ALPL: variants seen among roughly 807,000 people sequenced by gnomAD.
ALPL encodes alkaline phosphatase, biomineralization associated, also known as alkaline phosphatase, tissue-nonspecific isozyme.
A neutral mutation model predicts 51.3 loss-of-function variants in ALPL; 42 were observed. That is an observed-to-expected ratio of 0.82 (90% CI 0.64 to 1.06). ALPL has a LOEUF of 1.06. Among genes scored for constraint, ALPL ranks in the 50% least tolerant of loss-of-function variants. ALPL has a pLI of 0.00. For missense variants in ALPL, 589 were observed against 709.4 expected, an observed-to-expected ratio of 0.83 and a Z score of 1.93; for synonymous variants, 279 against 296.4, an observed-to-expected ratio of 0.94 and a Z score of 0.60.
chr1:21,570,518 A>G (rs1277880608), intron 8 of ALPL, 144 bp downstream of exon 8: 3 of 805,230 alleles, frequency 3.7e-6, no homozygotes, highest in Non-Finnish European at 4.0e-6. Flanking sequence ...GGGAGAGGCA[A>G]GGAAGGGGGT....
intron 1 of ALPL, among the ~76,000 whole-genome samples, chr1:21,515,115 G>A (rs1643769151): frequency 6.6e-6 from 1 of 152,152 alleles, no homozygotes; most frequent in South Asian, 2.1e-4. Flanking sequence ...TTGTCATTCA[G>A]GTGCATGAAC....
intron 1 of ALPL, among the ~76,000 whole-genome samples, chr1:21,522,549 C>T (rs755726708): frequency 7.2e-5 from 11 of 152,294 alleles, no homozygotes; most frequent in African/African-American, 1.2e-4. Context: ...TTCCAAATAA[C>T]ATAATATGGG....
intron 2 of ALPL, among the ~76,000 whole-genome samples, chr1:21,558,576 C>G (rs998488647): frequency 2.6e-5 from 4 of 152,230 alleles, no homozygotes; most frequent in Non-Finnish European, 5.9e-5. Flanking sequence ...AACTCTTGTC[C>G]AAAGGCACCC....
intron 1 of ALPL, among the ~76,000 whole-genome samples, chr1:21,523,567 G>A (rs1014470000): frequency 1.3e-5 from 2 of 151,966 alleles, no homozygotes; most frequent in African/African-American, 2.4e-5. Context: ...CTCCTCAGGG[G>A]CCTCCCCTAT....
chr1:21,575,783 C>T lies in ALPL; in HGVS notation c.1048C>T (p.His350Tyr). 6.2e-6 allele frequency: 10 copies of T among 1,614,220 alleles called. No individual in the cohort carries two copies. Among genetic ancestry groups the T allele is most frequent in the Non-Finnish European group, 8.5e-6 (10 of 1,180,038 alleles). ...HHEGKAKQALHEAVEMDRAIG... is the reference protein window; with the variant it reads ...HHEGKAKQALYEAVEMDRAIG... ...TGAAGGAAAAGCCAAGCAGGCCCTG[C>T]ATGAGGCGGTGGAGATGGACCGGGC... Residue 350 changes from histidine to tyrosine, a missense_variant, in exon 10 of 12, where the codon CAT becomes TAT. Coordinates refer to ENST00000374840, the MANE Select transcript of ALPL (RefSeq NM_000478.6).
At position 21,575,757 on chromosome 1, in the gene ALPL, A is replaced by C; in HGVS notation, c.1022A>C (p.His341Pro). 6.2e-7 allele frequency: 1 copy of C among 1,614,202 alleles called. No individual in the cohort carries two copies. The highest frequency in any genetic ancestry group is 1.3e-5 in the African/African-American group (1 of 75,058). ...GGAGGCAGAATTGACCACGGGCACC[A>C]TGAAGGAAAAGCCAAGCAGGCCCTG... ...VEGGRIDHGHHEGKAKQALHE... is the reference protein window; with the variant it reads ...VEGGRIDHGHPEGKAKQALHE... The change falls in exon 10 of 12, where the codon CAT (histidine) becomes CCT (proline). Residue 341 changes from histidine (H) to proline (P), a missense_variant. By Grantham distance (77) the His-to-Pro change is moderately conservative (BLOSUM62 -2). Transcript: ENST00000374840.
In ALPL at chr1:21,578,126, TGA is replaced by T. The variant is rs1644767933; in HGVS notation, c.*480_*481del. The T allele has an allele frequency of 5.7e-6, 1 of 175,854 alleles. No homozygotes were observed. The highest frequency in any genetic ancestry group is 1.3e-4 in the South Asian group (1 of 7,590). 10.9% of individuals were successfully genotyped at this position (175,854 alleles called of 1,614,324 possible). The stretch of plus-strand genomic sequence containing the variant: ...AGGCCCAGCCCTCCTTCAGGGGAGT[TGA>T]GGTCTTTCTCCTCAGGACAAGGCCT... On this transcript the variant is annotated 3_prime_UTR_variant, in exon 12 of 12. Transcript: ENST00000374840. This position sits in a 1 kb window ranked among gnomAD's most constrained non-coding sequence, Gnocchi z 4.2.
chr1:21,540,836 T>A (rs1406539228), intron 1 of ALPL, among the ~76,000 whole-genome samples: 1 of 152,056 alleles, frequency 6.6e-6, no homozygotes, highest in Non-Finnish European at 1.5e-5. Flanking sequence ...CTAGACTTTC[T>A]CTCTCTCCCC....
chr1:21,566,590 C>CTATTT (rs1371724015), intron 6 of ALPL, among the ~76,000 whole-genome samples: 83 of 151,830 alleles, frequency 5.5e-4, no homozygotes, highest in African/African-American at 1.5e-4. Flanking sequence ...CGCGCCCGGC[C>CTATTT]TATTTTATTT....
chr1:21,574,227 C>G (rs1331865637), intron 9 of ALPL: 3 of 984,940 alleles, frequency 3.0e-6, no homozygotes, highest in Admixed American at 6.1e-5. Flanking sequence ...AATTCTTGGC[C>G]TGGCGCTGCC....
intron 2 of ALPL, among the ~76,000 whole-genome samples, chr1:21,554,799 G>A (rs375171455): frequency 9.7e-5 from 4 of 41,336 alleles, no homozygotes; most frequent in Non-Finnish European, 1.9e-4. Flanking sequence ...CTGTCTGTCT[G>A]TCTGTCTGTC....
rs1464264598 is a variant in ALPL, at chr1:21,554,791, GTCTGTCTGTCTGTCTGTCTGTCTGTCTT to G, written c.61+653_61+680del. Among the ~76,000 whole-genome samples the G allele has an allele frequency of 4.2e-3, 170 of 40,042 alleles. 6 individuals carry two copies. The highest frequency in any genetic ancestry group is 0.02 in the African/African-American group (158 of 8,094). 26.3% of individuals were successfully genotyped at this position (40,042 alleles called of 152,430 possible). A position where few individuals can be genotyped will look rare whatever the true frequency, so the allele number is the denominator to read the frequency against. On this transcript the variant is annotated intron_variant, in intron 2 of 11. Coordinates refer to ENST00000374840, the MANE Select transcript of ALPL (RefSeq NM_000478.6). ...AGGCGTGAGCCACCGCGCCTGGCCT[GTCTGTCTGTCTGTCTGTCTGTCTGTCTT>G]TCTTTCTTTCTTTCTTTCTTTCTTT...
chr1:21,567,114 A>G (rs1463715801), intron 6 of ALPL, among the ~76,000 whole-genome samples: 1 of 152,164 alleles, frequency 6.6e-6, no homozygotes, highest in Non-Finnish European at 1.5e-5. Flanking sequence ...CTAGGATCTA[A>G]GGTGGGAGAC....
intron 1 of ALPL, among the ~76,000 whole-genome samples, chr1:21,540,052 G>T (rs1030316764): frequency 4.6e-5 from 7 of 152,152 alleles, no homozygotes; most frequent in African/African-American, 1.7e-4. Flanking sequence ...TGAGGGAAGT[G>T]CTGGAGGAGG....
chr1:21,573,959 C>T, intron 9 of ALPL, 160 bp downstream of exon 9: 1 of 985,100 alleles, frequency 1.0e-6, no homozygotes, highest in South Asian at 4.7e-5. Flanking sequence ...GCACTGTAGA[C>T]ACTCCCAGCC....
intron 1 of ALPL, among the ~76,000 whole-genome samples, chr1:21,514,684 A>G (rs1023606473): frequency 6.6e-6 from 1 of 152,276 alleles, no homozygotes; most frequent in Admixed American, 6.5e-5. Context: ...GAGATGGACA[A>G]GGGAGACTGA....
chr1:21,577,600 C>T lies in ALPL; in HGVS notation c.1527C>T (p.Gly509=), dbSNP rs1477280436. 6.2e-7 allele frequency: 1 copy of T among 1,600,962 alleles called. No homozygotes were observed. The highest frequency in any genetic ancestry group is 8.5e-7 in the Non-Finnish European group (1 of 1,179,616). ...PASSAGSLAA[G]PLLLALALYP... ...GCTCGGCAGGCAGCCTTGCTGCAGG[C>T]CCCCTGCTGCTCGCGCTGGCCCTCT... is the stretch of plus-strand genomic sequence containing the variant. Residue 509 remains glycine (G), a synonymous_variant, in exon 12 of 12, where the codon GGC becomes GGT. Coordinates refer to ENST00000374840, the MANE Select transcript of ALPL (RefSeq NM_000478.6).
At chr1:21,528,569 C>A (rs1230508198) in intron 1 of ALPL, among the ~76,000 whole-genome samples, 2 of 151,474 alleles carry the variant, frequency 1.3e-5, no homozygotes, top group African/African-American at 4.8e-5. Context: ...CCAGACTGGT[C>A]TCGGACTCCT....
Position 21,561,184 on chromosome 1 carries a change from A to G in ALPL, c.269A>G (p.Asp90Gly), listed in dbSNP as rs1181467544. The change falls in exon 4 of 12, where the codon GAC becomes GGC. Residue 90 changes from aspartate to glycine, a missense_variant. Transcript: ENST00000374840. Reference protein sequence around the residue: ...NPGEETRLEMDKFPFVALSKT... With the variant: ...NPGEETRLEMGKFPFVALSKT... Reference sequence around the variant, plus strand: ...GGGGAGGAGACCAGGCTGGAGATGGACAAGTTCCCCTTCGTGGCCCTCTCC... The same window carrying G: ...GGGGAGGAGACCAGGCTGGAGATGGGCAAGTTCCCCTTCGTGGCCCTCTCC... The G allele has an allele frequency of 1.2e-6, 2 of 1,613,018 alleles. No individual in the cohort carries two copies. The highest frequency in any genetic ancestry group is 1.3e-5 in the African/African-American group (1 of 74,878).
Sources: gnomAD v4.1 joint callset for allele counts (sites outside exome capture counted in the v4.1 genomes callset) on GRCh38, gnomAD v4.1.1 for gene constraint, Gnocchi (gnomAD v3.1) non-coding constraint, MANE v1.5 for transcripts, NCBI Gene and HGNC (gene_info 2026-07-23, HGNC 2026-07-21) for gene names.